The following SAMD8 variants were observed in gnomAD, a reference collection of about 807,000 sequenced individuals.
SAMD8 encodes sterile alpha motif domain containing 8, also known as sphingomyelin synthase-related protein 1.
SAMD8 carries 20 observed loss-of-function variants against 42.0 expected under a neutral mutation model. The observed-to-expected ratio is 0.48, with a 90% CI of 0.34 to 0.69. SAMD8 has a LOEUF of 0.69. Ranked by LOEUF, SAMD8 falls within the 30% of genes least tolerant of loss-of-function variation. The pLI, the probability that SAMD8 is intolerant of heterozygous loss-of-function variation, is 0.01. For missense variants in SAMD8, 328 were observed against 511.6 expected, an observed-to-expected ratio of 0.64 and a Z score of 3.46; for synonymous variants, 162 against 173.0, an observed-to-expected ratio of 0.94 and a Z score of 0.50.
intron 4 of SAMD8, among the ~76,000 whole-genome samples, chr10:75,172,245 G>GT (rs1357252838): frequency 6.6e-6 from 1 of 152,080 alleles, no homozygotes; most frequent in Non-Finnish European, 1.5e-5. Context: ...GGTGTGCGCA[G>GT]TTTCTTCAAA....
At chr10:75,124,629 AG>A (rs1272745557) in intron 1 of SAMD8, among the ~76,000 whole-genome samples, 3 of 150,202 alleles carry the variant, frequency 2.0e-5, no homozygotes, top group African/African-American at 7.3e-5. Context: ...AAAAAAAAAA[AG>A]GTACCTGTCA....
At chr10:75,131,292 G>C (rs140641742) in intron 1 of SAMD8, among the ~76,000 whole-genome samples, 16 of 152,218 alleles carry the variant, frequency 1.1e-4, no homozygotes, top group Non-Finnish European at 1.8e-4. Flanking sequence ...GTATAACATT[G>C]AGTCTTCGAG....
chr10:75,124,638 T>C (rs10824278), intron 1 of SAMD8, among the ~76,000 whole-genome samples: 28,311 of 149,988 alleles, frequency 0.19, 2,955 homozygotes, highest in East Asian at 0.26. Flanking sequence ...AAGGTACCTG[T>C]CAGAAAAATC....
At chr10:75,138,271 C>T (rs1839936595) in intron 1 of SAMD8, among the ~76,000 whole-genome samples, 1 of 152,306 alleles carries the variant, frequency 6.6e-6, no homozygotes, top group Non-Finnish European at 1.5e-5. Flanking sequence ...GCCACAGGCA[C>T]TGAGTCAGAG....
chr10:75,108,277 C>T (rs763098529), upstream of SAMD8: 4 of 1,523,010 alleles, frequency 2.6e-6, no homozygotes, highest in South Asian at 3.8e-5. Context: ...CTGTGCCTGG[C>T]CCCCTGCTGC....
At chr10:75,107,639 T>G (rs540040250), upstream of SAMD8, among the ~76,000 whole-genome samples, 9 of 152,192 alleles carry the variant, frequency 5.9e-5, no homozygotes, top group East Asian at 1.7e-3. Context: ...TGAAGTGGCA[T>G]GATCTCGGCT....
intron 1 of SAMD8, among the ~76,000 whole-genome samples, chr10:75,141,054 C>T (rs763906932): frequency 1.3e-5 from 2 of 152,036 alleles, no homozygotes; most frequent in Non-Finnish European, 2.9e-5. Flanking sequence ...TATGGAAATA[C>T]AATTGATGGC....
chr10:75,108,907 G>T, upstream of SAMD8: 2 of 1,456,856 alleles, frequency 1.4e-6, no homozygotes, highest in Non-Finnish European at 1.8e-6. Flanking sequence ...GGTCAGAGCA[G>T]AGCTATTTCT....
At position 75,176,240 on chromosome 10, in the gene SAMD8, A is replaced by G. The variant is rs774130180; in HGVS notation, c.943+24A>G. 44 of 1,614,086 alleles carry G rather than the reference A, an allele frequency of 2.7e-5. No homozygotes were observed. Among genetic ancestry groups the G allele is most frequent in the Admixed American group, 2.0e-4 (12 of 59,998 alleles). ...ATGTAAGTATCTTTTTAGTGCTTCT[A>G]TGCGTATTAGGTAACTAGCTGCAGT... On this transcript the variant is annotated intron_variant, in intron 5 of 5. Coordinates refer to ENST00000542569, the MANE Select transcript of SAMD8 (RefSeq NM_001174156.2). The surrounding 1 kb of genome is among the most constrained non-coding windows in gnomAD (Gnocchi z 4.3).
At chr10:75,105,705 C>A (rs373934068) in intron 1 of SAMD8, 2 of 1,552,084 alleles carry the variant, frequency 1.3e-6, no homozygotes, top group South Asian at 1.2e-5. Context: ...GCTGGTCCAG[C>A]CTGCAGAGCT....
intron 1 of SAMD8, chr10:75,101,896 C>T (rs891542992): frequency 2.9e-6 from 4 of 1,367,316 alleles, no homozygotes; most frequent in South Asian, 1.1e-5. Context: ...AGGCTGTGCA[C>T]TTCTCTGACG....
chr10:75,122,554 A>G (rs1849027767), intron 1 of SAMD8, among the ~76,000 whole-genome samples: 2 of 151,790 alleles, frequency 1.3e-5, no homozygotes. Flanking sequence ...CAGAGGTTGC[A>G]GTGAGCTGAG....
chr10:75,107,145 C>G (rs1021479439), upstream of SAMD8, among the ~76,000 whole-genome samples: 2 of 152,232 alleles, frequency 1.3e-5, no homozygotes, highest in East Asian at 3.9e-4. Flanking sequence ...AGACCAGCCT[C>G]GCCAACATGG....
At chr10:75,109,903 C>T (rs1848723950), upstream of SAMD8, among the ~76,000 whole-genome samples, 1 of 152,062 alleles carries the variant, frequency 6.6e-6, no homozygotes, top group Non-Finnish European at 1.5e-5. Flanking sequence ...CTGCCACTAC[C>T]ACCTCCCAGG....
chr10:75,099,891 T>C (rs1388219832), intron 1 of SAMD8, among the ~76,000 whole-genome samples: 1 of 152,132 alleles, frequency 6.6e-6, no homozygotes, highest in Non-Finnish European at 1.5e-5. Flanking sequence ...TCTGGGGGTC[T>C]GACCCGAGAA....
intron 1 of SAMD8, among the ~76,000 whole-genome samples, chr10:75,102,200 GGCGCGGTGGCTGAA>G (rs1228703813): frequency 6.6e-6 from 1 of 152,190 alleles, no homozygotes; most frequent in Non-Finnish European, 1.5e-5. Context: ...GAAGGGGCCG[GGCGCGGTGGCTGAA>G]GCCTATAATC....
In SAMD8 at chr10:75,176,479, T is replaced by C; in HGVS notation, c.1035T>C (p.Tyr345=). ...IFFILAAHEH[Y]SIDVFIAFYI... is the part of the protein sequence containing the mutation. The stretch of plus-strand genomic sequence containing the variant: ...TCATCTTGGCTGCCCATGAACATTA[T>C]TCTATTGATGTGTTTATTGCTTTTT... The change falls in exon 6 of 6, where the codon TAT becomes TAC. Residue 345 remains tyrosine, a synonymous_variant. Transcript: ENST00000542569. This position sits in a 1 kb window ranked among gnomAD's most constrained non-coding sequence, Gnocchi z 4.3. The C allele has an allele frequency of 6.4e-7, 1 of 1,551,296 alleles. No homozygotes were observed. Among genetic ancestry groups the C allele is most frequent in the Non-Finnish European group, 8.7e-7 (1 of 1,147,130 alleles).
intron 1 of SAMD8, among the ~76,000 whole-genome samples, chr10:75,137,463 C>G (rs940883521): frequency 1.2e-4 from 18 of 151,870 alleles, no homozygotes; most frequent in Admixed American, 2.6e-4. Flanking sequence ...TTGCTTGAAC[C>G]CGGGAGGCGG....
At chr10:75,161,540 A>G (rs1373856752) in intron 2 of SAMD8, among the ~76,000 whole-genome samples, 2 of 152,052 alleles carry the variant, frequency 1.3e-5, no homozygotes, top group South Asian at 2.1e-4. Context: ...TGAGAAAAAC[A>G]TAAGCGCAAA....
Sources: allele counts gnomAD v4.1 joint callset (sites outside exome capture counted in the v4.1 genomes callset), GRCh38; gene constraint gnomAD v4.1.1; non-coding constraint Gnocchi (gnomAD v3.1); transcripts MANE v1.5; gene names NCBI Gene and HGNC (gene_info 2026-07-23, HGNC 2026-07-21).